MTSS1: variants seen among roughly 807,000 people sequenced by gnomAD.
The protein encoded by MTSS1 is MTSS I-BAR domain containing 1, also known as protein MTSS 1.
A neutral mutation model predicts 79.0 loss-of-function variants in MTSS1; 18 were observed. The ratio of observed to expected loss-of-function variants is 0.23; its 90% CI spans 0.16 to 0.34. The LOEUF (loss-of-function observed/expected upper bound fraction) is 0.34. Among genes scored for constraint, MTSS1 ranks in the 10% least tolerant of loss-of-function variants. The probability of loss-of-function intolerance (pLI) is 1.00; values close to 1 mark genes in which losing one functional copy is unlikely to be tolerated. For missense variants in MTSS1, 815 were observed against 986.2 expected (o/e 0.83, Z 2.33); for synonymous variants, 341 against 368.6 (o/e 0.93, Z 0.86).
At chr8:124,595,935 G>A (rs1028564788) in intron 3 of MTSS1, among the ~76,000 whole-genome samples, 23 of 152,170 alleles carry the variant, frequency 1.5e-4, no homozygotes, top group Admixed American at 5.2e-4. Flanking sequence ...GAGGCTGCTG[G>A]GGAGGCCTCT....
intron 6 of MTSS1, among the ~76,000 whole-genome samples, chr8:124,583,343 A>ATT (rs1830359497): frequency 2.0e-5 from 3 of 152,190 alleles, no homozygotes; most frequent in Admixed American, 6.5e-5. Flanking sequence ...TGGGTCCCAT[A>ATT]TCTTCCTATC....
intron 3 of MTSS1, among the ~76,000 whole-genome samples, chr8:124,637,577 G>C (rs1817248499): frequency 6.6e-6 from 1 of 152,210 alleles, no homozygotes; most frequent in Admixed American, 6.5e-5. Flanking sequence ...GAGGGGGTTA[G>C]ATCACTCGCA....
At chr8:124,669,126 C>T (rs1414506766) in intron 3 of MTSS1, among the ~76,000 whole-genome samples, 1 of 152,198 alleles carries the variant, frequency 6.6e-6, no homozygotes, top group Non-Finnish European at 1.5e-5. Context: ...TCCCCTACCA[C>T]CTACACACAC....
rs548720597 is a variant in MTSS1 at position 124,631,686 on chromosome 8, G to A, written c.209-40451C>T. Among the ~76,000 whole-genome samples the A allele has an allele frequency of 2.9e-4, 44 of 152,268 alleles. No homozygotes were observed. The South Asian group carries it at 2.9e-3, about 10-fold the overall frequency. On this transcript the variant is annotated intron_variant, in intron 3 of 13. Transcript: ENST00000518547. Reference sequence around the variant, plus strand: ...TCAGGTTCTGACTATGAAAGCCCTCGGGCCTGCCAGCTTCTGTCTCTCCAA... The same window carrying A: ...TCAGGTTCTGACTATGAAAGCCCTCAGGCCTGCCAGCTTCTGTCTCTCCAA...
At chr8:124,642,947 G>A (rs934262936) in intron 3 of MTSS1, among the ~76,000 whole-genome samples, 2 of 152,172 alleles carry the variant, frequency 1.3e-5, no homozygotes, top group Non-Finnish European at 2.9e-5. Context: ...TGTGAAACAG[G>A]AGCAATGAAA....
rs547307525 is a variant in MTSS1, at chr8:124,671,916, A to G, written c.208+27610T>C. ...GCAAGGCAAAAGCTCAATTTTTGCC[A>G]TATTCAGTGACCATCAGGAAATTTC... is the stretch of plus-strand genomic sequence containing the variant. On this transcript the variant is annotated intron_variant, in intron 3 of 13. Transcript: ENST00000518547. Among the ~76,000 whole-genome samples, 8 of 152,326 alleles carry G rather than the reference A, an allele frequency of 5.3e-5. No homozygotes were observed. In the South Asian group the frequency reaches 1.2e-3, roughly 24 times the overall value.
At chr8:124,636,355 T>C (rs1450475276) in intron 3 of MTSS1, among the ~76,000 whole-genome samples, 1 of 152,176 alleles carries the variant, frequency 6.6e-6, no homozygotes, top group African/African-American at 2.4e-5. Flanking sequence ...GGCCTCGAAC[T>C]CCTGACCTCA....
chr8:124,669,286 G>A (rs1823690660), intron 3 of MTSS1, among the ~76,000 whole-genome samples: 1 of 152,226 alleles, frequency 6.6e-6, no homozygotes, highest in Admixed American at 6.5e-5. Flanking sequence ...GAGAAACTGT[G>A]TAGGTGTCCA....
At chr8:124,557,962 C>G in intron 10 of MTSS1, 87 bp from the exon 11 acceptor site, 1 of 1,042,536 alleles carries the variant, frequency 9.6e-7, no homozygotes. Flanking sequence ...CATTGACATT[C>G]AAGGGAGGGG....
At chr8:124,726,063 G>A (rs541375419) in intron 1 of MTSS1, among the ~76,000 whole-genome samples, 2 of 152,310 alleles carry the variant, frequency 1.3e-5, no homozygotes, top group East Asian at 3.9e-4. Context: ...AAAGAAGTCA[G>A]GATACACAAA....
chr8:124,627,778 G>A (rs996770959), intron 3 of MTSS1, among the ~76,000 whole-genome samples: 2 of 152,232 alleles, frequency 1.3e-5, no homozygotes, highest in Non-Finnish European at 1.5e-5. Flanking sequence ...CAGGCCATAG[G>A]GAGTCCGGGA....
rs1822479476 is a variant in MTSS1 at position 124,551,289 on chromosome 8, T to A, written c.*1703A>T. On this transcript the variant is annotated 3_prime_UTR_variant, in exon 14 of 14. Coordinates refer to ENST00000518547, the MANE Select transcript of MTSS1 (RefSeq NM_014751.6). Reference sequence around the variant, plus strand: ...GATTGGTGGGCTAAACCACAGGCACTACTGTTGTTTATATTCTGTAAAAGG... The same window carrying A: ...GATTGGTGGGCTAAACCACAGGCACAACTGTTGTTTATATTCTGTAAAAGG... 1 of 152,684 alleles carries A rather than the reference T, an allele frequency of 6.5e-6. No individual in the cohort carries two copies. Among genetic ancestry groups the A allele is most frequent in the Non-Finnish European group, 1.5e-5 (1 of 68,050 alleles). 9.5% of individuals were successfully genotyped at this position (152,684 alleles called of 1,614,324 possible). A position where few individuals can be genotyped will look rare whatever the true frequency, so the allele number is the denominator to read the frequency against.
At position 124,553,298 on chromosome 8, in the gene MTSS1, G is replaced by A. The variant is rs751287589; in HGVS notation, c.1962C>T (p.Pro654=). The change falls in exon 14 of 14, where the codon CCC becomes CCT. Residue 654 remains proline, a synonymous_variant. Transcript: ENST00000518547. This position sits in a 1 kb window ranked among gnomAD's most constrained non-coding sequence, Gnocchi z 6.0. ...AGGAGGGCATGCTGGTGACACCTTGGGGGCCCTCACCCACAGATGGCGACT... is the reference window on the plus strand; with the variant it reads ...AGGAGGGCATGCTGGTGACACCTTGAGGGCCCTCACCCACAGATGGCGACT... ...SPESPSVGEG[P]QGVTSMPSSM... is the part of the protein sequence containing the mutation. 1 of 1,613,978 alleles carries A rather than the reference G, an allele frequency of 6.2e-7. No homozygotes were observed. The highest frequency in any genetic ancestry group is 1.3e-5 in the African/African-American group (1 of 74,894).
chr8:124,722,376 A>G (rs1833078296), intron 1 of MTSS1, among the ~76,000 whole-genome samples: 1 of 152,156 alleles, frequency 6.6e-6, no homozygotes, highest in Non-Finnish European at 1.5e-5. Context: ...GAGATGAGAG[A>G]GCCCCAAGCC....
intron 7 of MTSS1, chr8:124,567,956 T>A: frequency 5.1e-6 from 7 of 1,384,538 alleles, no homozygotes; most frequent in Non-Finnish European, 6.5e-6. Flanking sequence ...GGTCACCCCT[T>A]AGTACTCGGC....
intron 5 of MTSS1, among the ~76,000 whole-genome samples, chr8:124,587,017 T>TG (rs1563803663): frequency 1.3e-5 from 2 of 152,222 alleles, no homozygotes; most frequent in Non-Finnish European, 2.9e-5. Context: ...TCAGCTTTGC[T>TG]GTACCAGCAA....
At chr8:124,599,660 C>T (rs948762413) in intron 3 of MTSS1, among the ~76,000 whole-genome samples, 1 of 151,948 alleles carries the variant, frequency 6.6e-6, no homozygotes, top group Non-Finnish European at 1.5e-5. Context: ...AACAGATACA[C>T]ACCAAAAACT....
chr8:124,575,432 T>C (rs1828773777), intron 6 of MTSS1, among the ~76,000 whole-genome samples: 2 of 152,204 alleles, frequency 1.3e-5, no homozygotes, highest in Non-Finnish European at 2.9e-5. Flanking sequence ...CTAATCCACA[T>C]GAAGCATTCA....
intron 6 of MTSS1, among the ~76,000 whole-genome samples, chr8:124,573,534 T>A (rs529474976): frequency 3.3e-5 from 5 of 152,370 alleles, no homozygotes; most frequent in African/African-American, 1.2e-4. Context: ...ATCTCCTCAG[T>A]CAGCACACTT....
Sources: allele counts gnomAD v4.1 joint callset (sites outside exome capture counted in the v4.1 genomes callset), GRCh38; gene constraint gnomAD v4.1.1; non-coding constraint Gnocchi (gnomAD v3.1); transcripts MANE v1.5; gene names NCBI Gene and HGNC (gene_info 2026-07-23, HGNC 2026-07-21).